STARD9: variants seen among roughly 807,000 people sequenced by gnomAD.
The protein encoded by STARD9 is StAR related lipid transfer domain containing 9.
STARD9 carries 346 observed loss-of-function variants against 399.8 expected under a neutral mutation model. The observed-to-expected ratio is 0.87, with a 90% CI of 0.79 to 0.95. The LOEUF (loss-of-function observed/expected upper bound fraction) is 0.95, where lower values mean the gene tolerates loss of function less well. STARD9 is among the 40% of genes least tolerant of loss of function. STARD9 has a pLI of 0.00. For synonymous variants in STARD9, 2,203 were observed against 2,143.5 expected, an observed-to-expected ratio of 1.03 and a Z score of -0.77; for missense variants, 5,832 against 5,667.5, an observed-to-expected ratio of 1.03 and a Z score of -0.93.
intron 25 of STARD9, 102 bp from the exon 26 acceptor site, chr15:42,695,641 T>G: frequency 7.4e-7 from 1 of 1,345,256 alleles, no homozygotes; most frequent in Non-Finnish European, 1.0e-6. Context: ...GAAGGAGCAG[T>G]AGAGGTGAGC....
chr15:42,588,915 A>G (rs560592912), intron 3 of STARD9, among the ~76,000 whole-genome samples: 9 of 148,748 alleles, frequency 6.1e-5, no homozygotes, highest in African/African-American at 2.0e-4. Flanking sequence ...CCTGGGTTCC[A>G]GCGATTCTTG....
chr15:42,595,934 G>T (rs116565691), intron 3 of STARD9, among the ~76,000 whole-genome samples: 1 of 152,090 alleles, frequency 6.6e-6, no homozygotes, highest in Non-Finnish European at 1.5e-5. Context: ...TGTTTTTTCC[G>T]TCTTTAGAAA....
chr15:42,597,148 T>G (rs115660182), intron 3 of STARD9, among the ~76,000 whole-genome samples: 1,785 of 152,166 alleles, frequency 0.012, 45 homozygotes, highest in African/African-American at 0.041. Context: ...CAGCCTGGAG[T>G]GTAGTGTCGT....
intron 3 of STARD9, among the ~76,000 whole-genome samples, chr15:42,591,504 T>C (rs1050174074): frequency 6.8e-6 from 1 of 146,178 alleles, no homozygotes; most frequent in Non-Finnish European, 1.5e-5. Flanking sequence ...AAAAAAAAAA[T>C]GTCTGGACAT....
At chr15:42,579,649 G>A (rs1384372466) in intron 1 of STARD9, among the ~76,000 whole-genome samples, 1 of 152,030 alleles carries the variant, frequency 6.6e-6, no homozygotes, top group Non-Finnish European at 1.5e-5. Context: ...AAAACTGGAA[G>A]AACACATTTT....
At chr15:42,666,559 G>A (rs866676919) in intron 15 of STARD9, among the ~76,000 whole-genome samples, 6 of 152,140 alleles carry the variant, frequency 3.9e-5, no homozygotes, top group Admixed American at 1.3e-4. Flanking sequence ...GGGTAGTGCA[G>A]GTAAGGTTAG....
At chr15:42,655,858 C>T (rs2059857766) in intron 9 of STARD9, among the ~76,000 whole-genome samples, 1 of 152,056 alleles carries the variant, frequency 6.6e-6, no homozygotes, top group Non-Finnish European at 1.5e-5. Context: ...CCAGACTCTA[C>T]AAGGAACTCA....
intron 3 of STARD9, among the ~76,000 whole-genome samples, chr15:42,613,848 C>A (rs146948676): frequency 0.013 from 1,945 of 151,986 alleles, 55 homozygotes; most frequent in African/African-American, 0.045. Context: ...GTCAGTAATC[C>A]CAGCTACTCG....
At chr15:42,581,253 C>T (rs2058162191) in intron 1 of STARD9, 2 of 852,226 alleles carry the variant, frequency 2.3e-6, no homozygotes, top group East Asian at 2.4e-5. Context: ...TAGTGACTCC[C>T]GGGATATTGG....
Position 42,712,089 on chromosome 15 carries a change from A to ATTATATAT in STARD9, c.13285-4587_13285-4586insTATATATT, listed in dbSNP as rs1463569497. On this transcript the variant is annotated intron_variant, in intron 26 of 32. Transcript: ENST00000290607. Reference sequence around the variant, plus strand: ...TTATATATATATATATATTATATATATATATATAATATATAATATATAATA... The same window carrying ATTATATAT: ...TTATATATATATATATATTATATATATTATATATTATATATAATATATAATATATAATA... Among the ~76,000 whole-genome samples, 4 of 8,492 alleles carry ATTATATAT rather than the reference A, an allele frequency of 4.7e-4. 1 individual carries two copies. Among genetic ancestry groups the ATTATATAT allele is most frequent in the East Asian group, 3.4e-3 (1 of 290 alleles). The allele number at this position is 8,492 out of a possible 152,430, so 5.6% of individuals were successfully genotyped here.
chr15:42,612,618 T>G (rs2058872873), intron 3 of STARD9, among the ~76,000 whole-genome samples: 1 of 152,134 alleles, frequency 6.6e-6, no homozygotes, highest in South Asian at 2.1e-4. Flanking sequence ...CATAAGGAAT[T>G]TATCAGATCT....
intron 3 of STARD9, 47 bp from the exon 4 acceptor site, chr15:42,634,809 T>G: frequency 6.7e-6 from 6 of 898,038 alleles, no homozygotes; most frequent in Non-Finnish European, 1.0e-5. Flanking sequence ...AAATCTGCTA[T>G]GAGAAGAAGG....
chr15:42,691,037 C>T lies in STARD9; in HGVS notation c.9459C>T (p.Ser3153=), dbSNP rs1470984542. 6.5e-7 allele frequency: 1 copy of T among 1,537,192 alleles called. No individual in the cohort carries two copies. The highest frequency in any genetic ancestry group is 2.4e-5 in the East Asian group (1 of 40,916). ...TLDLSEGSAE[S]KLVVEPQHEC... ...ATTTAAGTGAAGGGTCTGCTGAGAG[C>T]AAGTTGGTGGTAGAGCCACAGCATG... Residue 3153 remains serine (S), a synonymous_variant, in exon 23 of 33, where the codon AGC becomes AGT. Coordinates refer to ENST00000290607, the MANE Select transcript of STARD9 (RefSeq NM_020759.3).
intron 16 of STARD9, chr15:42,673,228 C>G (rs2060238254): frequency 6.6e-6 from 1 of 152,116 alleles, no homozygotes; most frequent in African/African-American, 2.4e-5. Flanking sequence ...ATGGTGAAAC[C>G]CTGTCTCTAC....
rs1027343536 is a variant in STARD9, at chr15:42,718,566, C to G, written c.13842+52C>G. On this transcript the variant is annotated intron_variant, in intron 31 of 32. Coordinates refer to ENST00000290607, the MANE Select transcript of STARD9 (RefSeq NM_020759.3). ...GTGGGAAGAACTTGGGCTGAAGTGT[C>G]GTGAGAAACAATCTATGTGGGCCTC... 1.9e-5 allele frequency: 28 copies of G among 1,506,948 alleles called. No individual in the cohort carries two copies. In the Admixed American group the frequency reaches 5.5e-4, roughly 30 times the overall value. 93.3% of individuals were successfully genotyped at this position (1,506,948 alleles called of 1,614,324 possible).
rs771175540 is a variant in STARD9, at chr15:42,674,471, C to G, written c.1529C>G (p.Ser510Ter). The G allele has an allele frequency of 2.0e-6, 3 of 1,537,014 alleles. No homozygotes were observed. In the African/African-American group the frequency reaches 4.1e-5, roughly 21 times the overall value. Reference sequence around the variant, plus strand: ...ACAACAAAAATAGGAAGGATTGACTCAGACCAGGAACAGGACATTGGTAAG... The same window carrying G: ...ACAACAAAAATAGGAAGGATTGACTGAGACCAGGAACAGGACATTGGTAAG... ...EGTTKIGRID[S>*]DQEQDIVLQG... is the part of the protein sequence containing the mutation. Residue 510 changes from serine (S) to a stop codon, truncating the protein, a stop_gained, in exon 17 of 33, where the codon TCA becomes TGA. Transcript: ENST00000290607. LOFTEE classifies it high-confidence loss of function.
chr15:42,656,168 C>T (rs2059864855), intron 9 of STARD9, among the ~76,000 whole-genome samples: 1 of 151,564 alleles, frequency 6.6e-6, no homozygotes, highest in African/African-American at 2.4e-5. Flanking sequence ...CCAGCCTGGC[C>T]CACATGGCGA....
At chr15:42,632,555 T>C (rs563512435) in intron 3 of STARD9, among the ~76,000 whole-genome samples, 1 of 152,338 alleles carries the variant, frequency 6.6e-6, no homozygotes, top group East Asian at 1.9e-4. Context: ...TTTTCTCTGG[T>C]GACATGTTTT....
intron 9 of STARD9, among the ~76,000 whole-genome samples, chr15:42,653,328 A>G (rs752347074): frequency 3.9e-5 from 6 of 152,334 alleles, no homozygotes; most frequent in Non-Finnish European, 8.8e-5. Context: ...GTCTGAAAAT[A>G]GATTAAAGGA....
Sources: allele counts gnomAD v4.1 joint callset (sites outside exome capture counted in the v4.1 genomes callset), GRCh38; gene constraint gnomAD v4.1.1; transcripts MANE v1.5; gene names NCBI Gene and HGNC (gene_info 2026-07-23, HGNC 2026-07-21).